The following ZNF804B variants were observed in gnomAD, a reference collection of about 807,000 sequenced individuals.
ZNF804B encodes zinc finger protein 804B.
In ZNF804B, 80 loss-of-function variants were observed where a neutral mutation model predicts 101.4. The ratio of observed to expected loss-of-function variants is 0.79; its 90% CI spans 0.66 to 0.95. The LOEUF is 0.95. Ranked by LOEUF, ZNF804B falls within the 40% of genes least tolerant of loss-of-function variation. The probability of loss-of-function intolerance (pLI) is 0.00; values close to 1 mark genes in which losing one functional copy is unlikely to be tolerated. For synonymous variants in ZNF804B, 622 were observed against 558.8 expected (o/e 1.11, Z -1.59); for missense variants, 1,673 against 1,561.9 (o/e 1.07, Z -1.20).
intron 1 of ZNF804B, among the ~76,000 whole-genome samples, chr7:89,198,940 G>A (rs79316739): frequency 1.3e-5 from 2 of 151,800 alleles, no homozygotes; most frequent in African/African-American, 4.8e-5. Context: ...GTAACTTATC[G>A]GGAATATGGA....
chr7:89,335,398 G>A lies in ZNF804B; in HGVS notation c.2416G>A (p.Glu806Lys), dbSNP rs1791060830. The A allele has an allele frequency of 6.2e-7, 1 of 1,613,624 alleles. No homozygotes were observed. Among genetic ancestry groups the A allele is most frequent in the Admixed American group, 1.7e-5 (1 of 59,886 alleles). ...YSKRRYCHCR[E>K]RQKLGKNQQQ... ...AAAACGTAGATATTGTCACTGCAGAGAAAGACAAAAACTGGGCAAAAATCA... is the reference window on the plus strand; with the variant it reads ...AAAACGTAGATATTGTCACTGCAGAAAAAGACAAAAACTGGGCAAAAATCA... The change falls in exon 4 of 4, where the codon GAA becomes AAA. Residue 806 changes from glutamate (E) to lysine (K), a missense_variant. Physicochemically the swap from Glu to Lys is moderately conservative, Grantham distance 56 (BLOSUM62 1). Coordinates refer to ENST00000333190, the MANE Select transcript of ZNF804B (RefSeq NM_181646.5).
chr7:89,216,864 A>C (rs1353952286), intron 1 of ZNF804B, among the ~76,000 whole-genome samples: 1 of 152,206 alleles, frequency 6.6e-6, no homozygotes, highest in Non-Finnish European at 1.5e-5. Context: ...ACAAAGATAA[A>C]ATCCATTCTT....
At chr7:89,216,942 T>C (rs1010382901) in intron 1 of ZNF804B, among the ~76,000 whole-genome samples, 1 of 152,176 alleles carries the variant, frequency 6.6e-6, no homozygotes, top group Non-Finnish European at 1.5e-5. Context: ...CTCTTTTATT[T>C]GGTATTGGGA....
At chr7:89,206,973 G>A (rs891029388) in intron 1 of ZNF804B, among the ~76,000 whole-genome samples, 1 of 152,252 alleles carries the variant, frequency 6.6e-6, no homozygotes, top group East Asian at 1.9e-4. Context: ...AGTTCCCAAT[G>A]AGTTCCTCAT....
At chr7:89,064,996 A>C (rs1422524695) in intron 1 of ZNF804B, among the ~76,000 whole-genome samples, 1 of 152,170 alleles carries the variant, frequency 6.6e-6, no homozygotes, top group East Asian at 1.9e-4. Context: ...CCTTGGTGCC[A>C]GACCACAAAA....
intron 2 of ZNF804B, among the ~76,000 whole-genome samples, chr7:89,291,313 C>A (rs1409949279): frequency 6.6e-6 from 1 of 152,072 alleles, no homozygotes; most frequent in Non-Finnish European, 1.5e-5. Context: ...CATATTGAAA[C>A]AGTGATATGT....
chr7:88,979,257 T>C (rs1341509924), intron 1 of ZNF804B, among the ~76,000 whole-genome samples: 2 of 151,998 alleles, frequency 1.3e-5, no homozygotes, highest in Non-Finnish European at 2.9e-5. Flanking sequence ...TTTCTTTGTA[T>C]TTAATATCAT....
intron 1 of ZNF804B, among the ~76,000 whole-genome samples, chr7:88,903,676 T>C (rs1322895293): frequency 6.6e-6 from 1 of 152,176 alleles, no homozygotes; most frequent in East Asian, 1.9e-4. Flanking sequence ...TATCTCATTG[T>C]TATTTTGATT....
In ZNF804B at chr7:89,152,266, T is replaced by C. The variant is rs140795737; in HGVS notation, c.109-65889T>C. On this transcript the variant is annotated intron_variant, in intron 1 of 3. Transcript: ENST00000333190. Reference sequence around the variant, plus strand: ...GCATGGTTTTTTCTTTTTTTTTTTGTATTTGTATACATTTATGGGGAAGAG... The same window carrying C: ...GCATGGTTTTTTCTTTTTTTTTTTGCATTTGTATACATTTATGGGGAAGAG... Among the ~76,000 whole-genome samples, 351 of 149,238 alleles carry C rather than the reference T, an allele frequency of 2.4e-3. 2 individuals are homozygous for C. Among genetic ancestry groups the C allele is most frequent in the Non-Finnish European group, 4.3e-3 (285 of 67,044 alleles).
At chr7:89,136,184 A>G (rs915540805) in intron 1 of ZNF804B, among the ~76,000 whole-genome samples, 1 of 152,134 alleles carries the variant, frequency 6.6e-6, no homozygotes. Flanking sequence ...AAGAGAAAGC[A>G]AGCTCAGGCA....
intron 1 of ZNF804B, among the ~76,000 whole-genome samples, chr7:88,924,174 T>C (rs1189729299): frequency 6.6e-6 from 1 of 152,164 alleles, no homozygotes; most frequent in Non-Finnish European, 1.5e-5. Context: ...CCACCAGTCA[T>C]ATGTGAGATT....
At chr7:88,957,643 T>A (rs181959737) in intron 1 of ZNF804B, among the ~76,000 whole-genome samples, 67 of 151,352 alleles carry the variant, frequency 4.4e-4, no homozygotes, top group Admixed American at 3.4e-3. Context: ...ATTCTCACAA[T>A]TGAGGAATTT....
chr7:88,976,870 T>A (rs1562849115), intron 1 of ZNF804B, among the ~76,000 whole-genome samples: 1 of 151,708 alleles, frequency 6.6e-6, no homozygotes, highest in African/African-American at 2.4e-5. Context: ...TACCAGTGGG[T>A]CTGTGGTACA....
chr7:88,854,510 T>TTCCCTTC (rs1562812843), intron 1 of ZNF804B, among the ~76,000 whole-genome samples: 1 of 85,954 alleles, frequency 1.2e-5, no homozygotes, highest in African/African-American at 6.8e-5. Flanking sequence ...TCCTTTCCTT[T>TTCCCTTC]CCTTTCCTTT....
intron 1 of ZNF804B, among the ~76,000 whole-genome samples, chr7:89,049,249 A>G (rs1858817): frequency 0.46 from 70,370 of 151,636 alleles, 16,897 homozygotes; most frequent in Non-Finnish European, 0.53. Context: ...ACTGACTGAT[A>G]AGAATGGAAT....
At chr7:88,823,422 T>G (rs1791011951) in intron 1 of ZNF804B, among the ~76,000 whole-genome samples, 1 of 152,154 alleles carries the variant, frequency 6.6e-6, no homozygotes, top group Non-Finnish European at 1.5e-5. Context: ...GAGATTCAGA[T>G]GTATTATACT....
chr7:89,209,394 T>C (rs1275949282), intron 1 of ZNF804B, among the ~76,000 whole-genome samples: 4 of 152,236 alleles, frequency 2.6e-5, no homozygotes, highest in Admixed American at 2.6e-4. Flanking sequence ...TTTGTTTATG[T>C]CTCATTCCAA....
intron 1 of ZNF804B, among the ~76,000 whole-genome samples, chr7:89,145,902 A>G (rs1367392181): frequency 6.6e-6 from 1 of 152,074 alleles, no homozygotes; most frequent in Admixed American, 6.6e-5. Flanking sequence ...TAAAGACACA[A>G]GAGATTTTCT....
chr7:88,839,406 C>T (rs563255370), intron 1 of ZNF804B, among the ~76,000 whole-genome samples: 1 of 151,862 alleles, frequency 6.6e-6, no homozygotes, highest in East Asian at 1.9e-4. Flanking sequence ...ATAAGGTATA[C>T]CTCCTAGTTT....
Sources: gnomAD v4.1 joint callset for allele counts (sites outside exome capture counted in the v4.1 genomes callset) on GRCh38, gnomAD v4.1.1 for gene constraint, MANE v1.5 for transcripts, NCBI Gene and HGNC (gene_info 2026-07-23, HGNC 2026-07-21) for gene names.